Variants in ZFHX3 observed in about 807,000 individuals in gnomAD.
ZFHX3 encodes zinc finger homeobox protein 3.
A neutral mutation model predicts 279.1 loss-of-function variants in ZFHX3; 42 were observed. That is an observed-to-expected ratio of 0.15 (90% confidence interval 0.12 to 0.19). The LOEUF (loss-of-function observed/expected upper bound fraction) is 0.19. Among genes scored for constraint, ZFHX3 ranks in the 10% least tolerant of loss-of-function variants. ZFHX3 has a pLI of 1.00. For missense variants in ZFHX3, 4,981 were observed against 4,754.0 expected, an observed-to-expected ratio of 1.05 and a Z score of -1.40; for synonymous variants, 2,293 against 1,957.8, an observed-to-expected ratio of 1.17 and a Z score of -4.52.
intron 5 of ZFHX3, among the ~76,000 whole-genome samples, chr16:73,186,592 T>C (rs1402323600): frequency 1.3e-5 from 2 of 150,666 alleles, no homozygotes; most frequent in African/African-American, 4.9e-5. Context: ...ACTTAACTCC[T>C]ATTGAGTGTT....
chr16:73,253,039 T>C (rs1354166186), intron 5 of ZFHX3, among the ~76,000 whole-genome samples: 1 of 152,178 alleles, frequency 6.6e-6, no homozygotes, highest in Non-Finnish European at 1.5e-5. Flanking sequence ...CCAGCATTCA[T>C]TGCAGGTCAT....
In ZFHX3 at chr16:73,761,334, G is replaced by A. The variant is rs541270725; in HGVS notation, c.-1607-81094C>T. On this transcript the variant is annotated intron_variant, in intron 1 of 17. Coordinates refer to the ZFHX3 transcript ENST00000641206. ...CAAACAACTGCTCAAGGAAGTAAGA[G>A]AGGACAGATGGAAAAACATTCCATG... 1.1e-4 allele frequency among the ~76,000 whole-genome samples: 16 copies of A among 152,088 alleles called. No individual in the cohort carries two copies. In the East Asian group the frequency reaches 3.1e-3, roughly 29 times the overall value.
At chr16:73,027,392 C>G (rs900736859) in intron 1 of ZFHX3, among the ~76,000 whole-genome samples, 21 of 152,216 alleles carry the variant, frequency 1.4e-4, no homozygotes, top group African/African-American at 5.1e-4. Context: ...AAACGTAACC[C>G]AGGCTCCAGG....
chr16:72,954,376 A>C (rs1961147387), intron 2 of ZFHX3, among the ~76,000 whole-genome samples: 1 of 152,216 alleles, frequency 6.6e-6, no homozygotes, highest in Non-Finnish European at 1.5e-5. Flanking sequence ...ATCTCAAAAA[A>C]AAGAAATGAA....
chr16:72,962,450 G>A (rs978928169), intron 1 of ZFHX3, among the ~76,000 whole-genome samples: 2 of 152,194 alleles, frequency 1.3e-5, no homozygotes, highest in Admixed American at 1.3e-4. Context: ...GTGACCCTGT[G>A]GTGGTGACAC....
chr16:73,730,232 A>C (rs2053557113), intron 1 of ZFHX3, among the ~76,000 whole-genome samples: 1 of 152,108 alleles, frequency 6.6e-6, no homozygotes, highest in Non-Finnish European at 1.5e-5. Context: ...AATGAGAATA[A>C]GAGATAACTT....
intron 1 of ZFHX3, among the ~76,000 whole-genome samples, chr16:73,027,331 T>C (rs1199699800): frequency 2.0e-5 from 3 of 152,194 alleles, no homozygotes; most frequent in African/African-American, 7.2e-5. Context: ...CCCAGGCTTA[T>C]TACAATTTTA....
intron 3 of ZFHX3, among the ~76,000 whole-genome samples, chr16:73,437,562 C>G (rs1473645338): frequency 6.6e-6 from 1 of 152,092 alleles, no homozygotes; most frequent in Non-Finnish European, 1.5e-5. Context: ...TTTACCTCAT[C>G]AGTATTAGTG....
At chr16:72,945,228 G>A (rs899994932) in intron 3 of ZFHX3, among the ~76,000 whole-genome samples, 4 of 152,298 alleles carry the variant, frequency 2.6e-5, no homozygotes, top group South Asian at 2.1e-4. Context: ...CTTTCATGCC[G>A]CACACCACTG....
At chr16:73,353,008 C>G (rs978450448) in intron 3 of ZFHX3, among the ~76,000 whole-genome samples, 1 of 152,092 alleles carries the variant, frequency 6.6e-6, no homozygotes, top group Non-Finnish European at 1.5e-5. Flanking sequence ...TGGAGCAGGA[C>G]ACGAAGAGAT....
chr16:73,872,678 G>A (rs2029865524), intron 1 of ZFHX3, among the ~76,000 whole-genome samples: 1 of 144,594 alleles, frequency 6.9e-6, no homozygotes, highest in African/African-American at 2.6e-5. Context: ...TCCATGTGGG[G>A]CTTCCATAAA....
intron 4 of ZFHX3, among the ~76,000 whole-genome samples, chr16:73,276,210 T>A (rs2014298742): frequency 6.6e-6 from 1 of 150,686 alleles, no homozygotes; most frequent in Non-Finnish European, 1.5e-5. Flanking sequence ...TGAGACAGAG[T>A]TTCGCTCTTG....
chr16:72,847,841 G>T (rs2037516632), intron 4 of ZFHX3, among the ~76,000 whole-genome samples: 1 of 152,032 alleles, frequency 6.6e-6, no homozygotes, highest in Non-Finnish European at 1.5e-5. Context: ...AACCCATCAC[G>T]GCTTAAAGCA....
intron 1 of ZFHX3, among the ~76,000 whole-genome samples, chr16:73,877,816 G>A (rs1399222495): frequency 1.3e-5 from 2 of 151,898 alleles, no homozygotes; most frequent in Non-Finnish European, 2.9e-5. Flanking sequence ...ATTCTTCAGG[G>A]ACAACTCAGA....
intron 1 of ZFHX3, among the ~76,000 whole-genome samples, chr16:72,978,340 C>T (rs545011524): frequency 5.3e-5 from 8 of 152,308 alleles, no homozygotes; most frequent in African/African-American, 1.2e-4. Context: ...GGAACTGACA[C>T]AGCTGGAAGC....
intron 5 of ZFHX3, among the ~76,000 whole-genome samples, chr16:73,229,479 A>G (rs1015031039): frequency 2.0e-5 from 3 of 152,238 alleles, no homozygotes; most frequent in Admixed American, 2.0e-4. Flanking sequence ...TACAATGTAT[A>G]ACTACATTAT....
intron 1 of ZFHX3, among the ~76,000 whole-genome samples, chr16:73,778,376 G>A (rs1005105397): frequency 3.9e-4 from 59 of 151,994 alleles, no homozygotes; most frequent in African/African-American, 1.4e-3. Flanking sequence ...ATTGCTCTGT[G>A]AGATTTCAAT....
intron 4 of ZFHX3, among the ~76,000 whole-genome samples, chr16:73,315,498 A>T (rs1375861905): frequency 6.6e-6 from 1 of 152,214 alleles, no homozygotes; most frequent in African/African-American, 2.4e-5. Context: ...TCTTTGGACC[A>T]TCCAAAGCCA....
chr16:73,499,282 C>T (rs2019194615), intron 2 of ZFHX3: 1 of 152,174 alleles, frequency 6.6e-6, no homozygotes, highest in Non-Finnish European at 1.5e-5. Flanking sequence ...GCCACCATGC[C>T]AGAGAGAGCG....
Sources: gnomAD v4.1 joint callset for allele counts (sites outside exome capture counted in the v4.1 genomes callset) on GRCh38, gnomAD v4.1.1 for gene constraint, MANE v1.5 for transcripts, NCBI Gene and HGNC (gene_info 2026-07-23, HGNC 2026-07-21) for gene names.